WDR49: variants seen among roughly 807,000 people sequenced by gnomAD.
WDR49 encodes cilia- and flagella-associated protein 337.
In WDR49, 107 loss-of-function variants were observed where a neutral mutation model predicts 119.5. That is an observed-to-expected ratio of 0.90 (90% CI 0.77 to 1.05). The LOEUF is 1.05. Among genes scored for constraint, WDR49 ranks in the 50% least tolerant of loss-of-function variants. The pLI is 0.00. For missense variants in WDR49, 1,240 were observed against 1,220.5 expected (o/e 1.02, Z -0.24); for synonymous variants, 425 against 418.8 (o/e 1.01, Z -0.18).
chr3:167,581,835 A>C (rs949655746), intron 7 of WDR49, among the ~76,000 whole-genome samples: 6 of 152,210 alleles, frequency 3.9e-5, no homozygotes, highest in African/African-American at 1.4e-4. Flanking sequence ...GTTTAATTCA[A>C]AGTAGTCAGA....
intron 7 of WDR49, among the ~76,000 whole-genome samples, chr3:167,584,263 C>T (rs1714699260): frequency 6.6e-6 from 1 of 151,994 alleles, no homozygotes; most frequent in Admixed American, 6.6e-5. Context: ...AAAATCTGAA[C>T]TTAGAATGGG....
intron 2 of WDR49, among the ~76,000 whole-genome samples, chr3:167,642,089 A>G (rs556903281): frequency 2.0e-5 from 3 of 152,038 alleles, no homozygotes; most frequent in South Asian, 4.1e-4. Context: ...ATGCATTTTT[A>G]TACTGTTTTG....
intron 7 of WDR49, among the ~76,000 whole-genome samples, chr3:167,599,105 C>G (rs975535934): frequency 1.3e-5 from 2 of 152,054 alleles, no homozygotes; most frequent in African/African-American, 4.8e-5. Flanking sequence ...CTATGTTTTC[C>G]CACGGCTCTG....
At chr3:167,642,817 A>G (rs1717944466) in intron 2 of WDR49, among the ~76,000 whole-genome samples, 1 of 152,002 alleles carries the variant, frequency 6.6e-6, no homozygotes, top group Admixed American at 6.6e-5. Context: ...AAAGGATACA[A>G]GGGCTGGCTT....
At chr3:167,635,089 TC>T (rs1272333885) in intron 2 of WDR49, among the ~76,000 whole-genome samples, 1 of 151,754 alleles carries the variant, frequency 6.6e-6, no homozygotes, top group Non-Finnish European at 1.5e-5. Flanking sequence ...TTTCAATTAT[TC>T]CCAAGGCTTT....
chr3:167,588,868 T>C (rs1714962286), intron 7 of WDR49, among the ~76,000 whole-genome samples: 1 of 151,954 alleles, frequency 6.6e-6, no homozygotes, highest in Admixed American at 6.5e-5. Flanking sequence ...TTGTAAATAT[T>C]TTCTCCCGTT....
chr3:167,549,595 C>T (rs1435705514), intron 10 of WDR49, among the ~76,000 whole-genome samples: 1 of 151,954 alleles, frequency 6.6e-6, no homozygotes, highest in Non-Finnish European at 1.5e-5. Flanking sequence ...GGATATTAGC[C>T]CTTTGTCAGA....
intron 17 of WDR49, among the ~76,000 whole-genome samples, chr3:167,502,059 G>T (rs1427532246): frequency 6.6e-6 from 1 of 152,150 alleles, no homozygotes; most frequent in Non-Finnish European, 1.5e-5. Flanking sequence ...TTCATGAATT[G>T]TTTGGTGCCA....
At chr3:167,503,879 C>A (rs1485773778) in intron 17 of WDR49, among the ~76,000 whole-genome samples, 1 of 152,200 alleles carries the variant, frequency 6.6e-6, no homozygotes, top group Non-Finnish European at 1.5e-5. Context: ...GGGTTTATAT[C>A]CCGATGCTTG....
chr3:167,532,468 C>T (rs1752882819), intron 12 of WDR49, among the ~76,000 whole-genome samples: 1 of 151,974 alleles, frequency 6.6e-6, no homozygotes, highest in Non-Finnish European at 1.5e-5. Context: ...TTCCAGGTGG[C>T]ATAATATTTA....
chr3:167,547,120 C>A (rs1012390250), intron 10 of WDR49, among the ~76,000 whole-genome samples: 5 of 151,752 alleles, frequency 3.3e-5, no homozygotes, highest in Non-Finnish European at 5.9e-5. Context: ...TTGGAATATT[C>A]CATTCTGATT....
chr3:167,480,789 G>T (rs1351465967), intron 18 of WDR49, among the ~76,000 whole-genome samples: 2 of 152,038 alleles, frequency 1.3e-5, no homozygotes, highest in Admixed American at 6.6e-5. Flanking sequence ...AGAATGTGCT[G>T]GGAAAAAAAT....
chr3:167,522,521 A>T (rs1752492632), intron 15 of WDR49, 37 bp from the exon 16 acceptor site: 1 of 1,570,828 alleles, frequency 6.4e-7, no homozygotes, highest in Non-Finnish European at 8.6e-7. Context: ...ATTTTTATGA[A>T]ATTTATTTTC....
At chr3:167,507,527 A>T (rs1304776883) in intron 16 of WDR49, among the ~76,000 whole-genome samples, 1 of 152,200 alleles carries the variant, frequency 6.6e-6, no homozygotes, top group Non-Finnish European at 1.5e-5. Flanking sequence ...GAAAAGAATT[A>T]TTCATGTAAA....
intron 8 of WDR49, among the ~76,000 whole-genome samples, chr3:167,562,203 C>T (rs1713307148): frequency 1.3e-5 from 2 of 152,074 alleles, no homozygotes; most frequent in South Asian, 4.2e-4. Flanking sequence ...AAGAGTAATA[C>T]AGTGTTTTTT....
chr3:167,608,372 C>T (rs1716164565), intron 5 of WDR49, among the ~76,000 whole-genome samples: 2 of 152,140 alleles, frequency 1.3e-5, no homozygotes, highest in East Asian at 3.8e-4. Context: ...CCCCATTATA[C>T]CCAACTATCA....
At chr3:167,594,528 A>G (rs1440743976) in intron 7 of WDR49, among the ~76,000 whole-genome samples, 1 of 152,212 alleles carries the variant, frequency 6.6e-6, no homozygotes, top group African/African-American at 2.4e-5. Context: ...TTCTGAAAGC[A>G]TACAGTCATA....
intron 7 of WDR49, among the ~76,000 whole-genome samples, chr3:167,595,547 C>G (rs539429370): frequency 2.6e-5 from 4 of 152,100 alleles, no homozygotes; most frequent in Non-Finnish European, 5.9e-5. Context: ...CAGAACAAAG[C>G]CCTCAGAAAT....
intron 11 of WDR49, among the ~76,000 whole-genome samples, chr3:167,536,135 GGAAT>G (rs1443731343): frequency 6.6e-6 from 1 of 152,022 alleles, no homozygotes; most frequent in East Asian, 1.9e-4. Flanking sequence ...TTATATGGGA[GGAAT>G]GAGTTTTGGT....
Sources: gnomAD v4.1 joint callset for allele counts (sites outside exome capture counted in the v4.1 genomes callset) on GRCh38, gnomAD v4.1.1 for gene constraint, MANE v1.5 for transcripts, NCBI Gene and HGNC (gene_info 2026-07-23, HGNC 2026-07-21) for gene names.